Variants in TP53BP1 observed in about 807,000 individuals in gnomAD.
The protein encoded by TP53BP1 is tumor protein p53 binding protein 1.
A neutral mutation model predicts 200.8 loss-of-function variants in TP53BP1; 61 were observed. That is an observed-to-expected ratio of 0.30 (90% CI 0.25 to 0.38). TP53BP1 has a LOEUF of 0.38. Ranked by LOEUF, TP53BP1 falls within the 10% of genes least tolerant of loss-of-function variation. TP53BP1 has a pLI of 1.00. For missense variants in TP53BP1, 2,144 were observed against 2,371.9 expected, an observed-to-expected ratio of 0.90 and a Z score of 2.00; for synonymous variants, 822 against 844.3, an observed-to-expected ratio of 0.97 and a Z score of 0.46.
intron 11 of TP53BP1, among the ~76,000 whole-genome samples, chr15:43,458,830 C>T (rs1199139192): frequency 2.0e-5 from 3 of 151,572 alleles, no homozygotes; most frequent in Admixed American, 6.6e-5. Context: ...GGATTAGCAA[C>T]GATGTTGAAC....
intron 17 of TP53BP1, among the ~76,000 whole-genome samples, chr15:43,429,938 C>A (rs1310025896): frequency 6.6e-6 from 1 of 152,160 alleles, no homozygotes; most frequent in Non-Finnish European, 1.5e-5. Context: ...TGAAATGCAG[C>A]CAAGAAGCTT....
chr15:43,407,503 A>ACACTT lies in TP53BP1; in HGVS notation c.5809_5813dup (p.Cys1938Ter). 1.2e-6 allele frequency: 2 copies of ACACTT among 1,614,250 alleles called. No homozygotes were observed. The highest frequency in any genetic ancestry group is 8.5e-7 in the Non-Finnish European group (1 of 1,180,048). ...CCACAGGCAGCTGCAATGCTTCAGC[A>ACACTT]CACTTCAGCACCGAGGCTGGGCATG... On this transcript the variant is annotated stop_gained and frameshift_variant, in exon 28 of 28. Transcript: ENST00000382044. LOFTEE classifies it high-confidence loss of function.
At chr15:43,506,941 T>G (rs1181818239) in intron 1 of TP53BP1, among the ~76,000 whole-genome samples, 1 of 152,110 alleles carries the variant, frequency 6.6e-6, no homozygotes, top group Non-Finnish European at 1.5e-5. Flanking sequence ...CTCCAATAGG[T>G]CGCAGGCCAA....
At chr15:43,418,619 T>A (rs1054298625) in intron 21 of TP53BP1, among the ~76,000 whole-genome samples, 1 of 152,078 alleles carries the variant, frequency 6.6e-6, no homozygotes, top group East Asian at 1.9e-4. Context: ...CAAATAGGTA[T>A]CTTCAAATTA....
chr15:43,483,996 C>T (rs1157203539), intron 4 of TP53BP1, among the ~76,000 whole-genome samples: 2 of 152,156 alleles, frequency 1.3e-5, no homozygotes, highest in African/African-American at 4.8e-5. Flanking sequence ...AATCTCTGGC[C>T]TAGACTTTTC....
chr15:43,459,924 G>A (rs1390521927), intron 11 of TP53BP1, among the ~76,000 whole-genome samples: 1 of 152,206 alleles, frequency 6.6e-6, no homozygotes, highest in African/African-American at 2.4e-5. Flanking sequence ...GAAAGCTGAT[G>A]TGTGATTGCC....
chr15:43,410,854 C>T (rs998739706), intron 24 of TP53BP1, among the ~76,000 whole-genome samples: 76 of 152,176 alleles, frequency 5.0e-4, no homozygotes, highest in African/African-American at 1.8e-3. Flanking sequence ...GACTAGCCAA[C>T]CTATTCACTT....
At chr15:43,446,866 T>G (rs76132861) in intron 13 of TP53BP1, 2 of 1,269,968 alleles carry the variant, frequency 1.6e-6, no homozygotes, top group South Asian at 1.3e-5. Context: ...GCATCAGGCA[T>G]AGGTAGCAGG....
At chr15:43,439,809 G>A (rs1463648974) in intron 15 of TP53BP1, among the ~76,000 whole-genome samples, 1 of 152,088 alleles carries the variant, frequency 6.6e-6, no homozygotes, top group Non-Finnish European at 1.5e-5. Context: ...AGAAGCTTCA[G>A]CAACATACTC....
chr15:43,488,583 C>T (rs1204068428), intron 4 of TP53BP1, among the ~76,000 whole-genome samples: 2 of 152,030 alleles, frequency 1.3e-5, no homozygotes, highest in African/African-American at 2.4e-5. Flanking sequence ...AGAAGTAAAA[C>T]AGGAAATGTG....
rs761528662 is a variant in TP53BP1 at position 43,432,526 on chromosome 15, G to C, written c.3343C>G (p.Gln1115Glu). Reference sequence around the variant, plus strand: ...TCTCCTTGAGGACTGGATGGCCCTTGTATGACCATCTTCTGGGAAGCAGGA... The same window carrying C: ...TCTCCTTGAGGACTGGATGGCCCTTCTATGACCATCTTCTGGGAAGCAGGA... Reference protein sequence around the residue: ...VSPASQKMVIQGPSSPQGEAM... With the variant: ...VSPASQKMVIEGPSSPQGEAM... The change falls in exon 17 of 28, where the codon CAA becomes GAA. Residue 1115 changes from glutamine to glutamate, a missense_variant. Gln to Glu is a conservative substitution (Grantham distance 29). Coordinates refer to ENST00000382044, the MANE Select transcript of TP53BP1 (RefSeq NM_001141980.3). 1 of 1,614,122 alleles carries C rather than the reference G, an allele frequency of 6.2e-7. No homozygotes were observed. The highest frequency in any genetic ancestry group is 8.5e-7 in the Non-Finnish European group (1 of 1,180,016).
chr15:43,441,853 C>T lies in TP53BP1; in HGVS notation c.3041-270G>A, dbSNP rs529158638. Among the ~76,000 whole-genome samples the T allele has an allele frequency of 2.4e-3, 370 of 152,142 alleles. 2 individuals are homozygous for T. The highest frequency in any genetic ancestry group is 8.3e-3 in the African/African-American group (343 of 41,518). On this transcript the variant is annotated intron_variant, in intron 14 of 27. Transcript: ENST00000382044. ...GCAACCTCCGCCTCCTGGGTTCAAG[C>T]GATCTCCTGCCTCAACCTCCCGAGT... is the stretch of plus-strand genomic sequence containing the variant.
chr15:43,494,156 C>CT (rs2079164658), upstream of TP53BP1, among the ~76,000 whole-genome samples: 1 of 152,116 alleles, frequency 6.6e-6, no homozygotes, highest in South Asian at 2.1e-4. Flanking sequence ...GCCAGAGCAG[C>CT]TGTCAATAGG....
intron 23 of TP53BP1, among the ~76,000 whole-genome samples, chr15:43,414,278 G>A (rs1224619957): frequency 6.6e-6 from 1 of 152,196 alleles, no homozygotes; most frequent in Admixed American, 6.5e-5. Flanking sequence ...TCTTCAACTG[G>A]AAAACTCCTT....
At chr15:43,477,889 T>C (rs951618680) in intron 7 of TP53BP1, 130 bp from the exon 8 acceptor site, 4 of 656,290 alleles carry the variant, frequency 6.1e-6, no homozygotes, top group Non-Finnish European at 7.2e-6. Flanking sequence ...TACATAATTA[T>C]ATATTAAAAA....
chr15:43,481,460 TACACACACACACACACACAC>T (rs61433356), intron 4 of TP53BP1, among the ~76,000 whole-genome samples: 11 of 143,714 alleles, frequency 7.7e-5, no homozygotes, highest in Admixed American at 5.6e-4. Flanking sequence ...TGTATATAAA[TACACACACACACACACACAC>T]ACACACACAC....
chr15:43,470,203 C>G (rs1595597749), intron 10 of TP53BP1, 137 bp from the exon 11 acceptor site: 1 of 737,194 alleles, frequency 1.4e-6, no homozygotes, highest in Non-Finnish European at 2.2e-6. Context: ...GAAAAGCTGA[C>G]AGAATAATAG....
In TP53BP1 at chr15:43,404,756, A is replaced by G; in HGVS notation, c.*2627T>C. The stretch of plus-strand genomic sequence containing the variant: ...CATCATCATCATAAAATACTAAAAA[A>G]CCTGACAGTGAGATAGGTGTTAAGT... On this transcript the variant is annotated 3_prime_UTR_variant, in exon 28 of 28. Transcript: ENST00000382044. 1.6e-6 allele frequency: 1 copy of G among 608,120 alleles called. No individual in the cohort carries two copies. The allele number at this position is 608,120 out of a possible 1,614,324, so 37.7% of individuals were successfully genotyped here.
chr15:43,433,624 A>C (rs2142998926), intron 16 of TP53BP1, among the ~76,000 whole-genome samples: 1 of 152,356 alleles, frequency 6.6e-6, no homozygotes, highest in Middle Eastern at 3.4e-3. Flanking sequence ...AGATTAAATC[A>C]ACATAATGCA....
Sources: gnomAD v4.1 joint callset for allele counts (sites outside exome capture counted in the v4.1 genomes callset) on GRCh38, gnomAD v4.1.1 for gene constraint, MANE v1.5 for transcripts, NCBI Gene and HGNC (gene_info 2026-07-23, HGNC 2026-07-21) for gene names.